Variants in EIF2AK1 observed in about 807,000 individuals in gnomAD.
The protein encoded by EIF2AK1 is eukaryotic translation initiation factor 2 alpha kinase 1.
EIF2AK1 carries 54 observed loss-of-function variants against 77.9 expected under a neutral mutation model. The observed-to-expected ratio is 0.69, with a 90% CI of 0.56 to 0.87. The LOEUF (loss-of-function observed/expected upper bound fraction) is 0.87, where lower values mean the gene tolerates loss of function less well. EIF2AK1 is among the 40% of genes least tolerant of loss of function. EIF2AK1 has a pLI of 0.00. For missense variants in EIF2AK1, 810 were observed against 768.6 expected (o/e 1.05, Z -0.64); for synonymous variants, 314 against 290.5 (o/e 1.08, Z -0.82).
Position 6,032,512 on chromosome 7 carries a change from G to C in EIF2AK1, c.1333-3480C>G, listed in dbSNP as rs1027198216. Among the ~76,000 whole-genome samples, 19 of 152,344 alleles carry C rather than the reference G, an allele frequency of 1.2e-4. No individual in the cohort carries two copies. The highest frequency in any genetic ancestry group is 4.6e-4 in the African/African-American group (19 of 41,574). Reference sequence around the variant, plus strand: ...CCCTGTGGGTTAATTTAAGGAATAAGTGACTTCATAGCAAGTACCCTTAAT... The same window carrying C: ...CCCTGTGGGTTAATTTAAGGAATAACTGACTTCATAGCAAGTACCCTTAAT... On this transcript the variant is annotated intron_variant, in intron 11 of 14. Coordinates refer to ENST00000199389, the MANE Select transcript of EIF2AK1 (RefSeq NM_014413.4). The surrounding 1 kb of genome is among the most constrained non-coding windows in gnomAD (Gnocchi z 4.3).
chr7:6,048,681 G>A (rs1788512874), intron 4 of EIF2AK1, 126 bp downstream of exon 4: 1 of 768,026 alleles, frequency 1.3e-6, no homozygotes, highest in East Asian at 3.0e-5. Context: ...CTTAATTGCT[G>A]AGAACAAAGT....
At chr7:6,044,305 A>T (rs1403970029) in intron 7 of EIF2AK1, among the ~76,000 whole-genome samples, 2 of 150,708 alleles carry the variant, frequency 1.3e-5, no homozygotes, top group East Asian at 4.0e-4. Context: ...TCTACTAAAA[A>T]ATACCAAAAA....
chr7:6,056,616 A>ATATATATATATATATATG (rs1788778588), intron 1 of EIF2AK1, among the ~76,000 whole-genome samples: 1 of 96,000 alleles, frequency 1.0e-5, no homozygotes, highest in Admixed American at 1.0e-4. Flanking sequence ...AAAAAAAAAT[A>ATATATATATATATATATG]TATATATATA....
In EIF2AK1 at chr7:6,024,366, A is replaced by G. The variant is rs1332805635; in HGVS notation, c.*307T>C. The G allele has an allele frequency of 7.8e-5, 90 of 1,157,754 alleles. 1 individual carries two copies. Among genetic ancestry groups the G allele is most frequent in the Middle Eastern group, 7.2e-4 (2 of 2,788 alleles). The allele number at this position is 1,157,754 out of a possible 1,614,324, so 71.7% of individuals were successfully genotyped here. A position where few individuals can be genotyped will look rare whatever the true frequency, so the allele number is the denominator to read the frequency against. On this transcript the variant is annotated 3_prime_UTR_variant, in exon 15 of 15. Coordinates refer to ENST00000199389, the MANE Select transcript of EIF2AK1 (RefSeq NM_014413.4). ...TGACGAGGGCAGGGAGCACACATCA[A>G]TTTCTGCGGTACCTTCTAGAGGAAG... is the stretch of plus-strand genomic sequence containing the variant.
chr7:6,053,664 A>AT (rs1318474034), intron 2 of EIF2AK1, among the ~76,000 whole-genome samples: 19 of 86,414 alleles, frequency 2.2e-4, no homozygotes, highest in African/African-American at 8.5e-4. Context: ...CGCCCAGCCC[A>AT]TTCTTTTTTT....
rs758929683 is a variant in EIF2AK1 at position 6,054,537 on chromosome 7, C to G, written c.277+9G>C. On this transcript the variant is annotated intron_variant, in intron 2 of 14. Coordinates refer to ENST00000199389, the MANE Select transcript of EIF2AK1 (RefSeq NM_014413.4). ...CTTTATTTAGCAAGATTCATTTATTCTTACTTACGCTTAAACACCTGTCTT... is the reference window on the plus strand; with the variant it reads ...CTTTATTTAGCAAGATTCATTTATTGTTACTTACGCTTAAACACCTGTCTT... 7 of 1,613,572 alleles carry G rather than the reference C, an allele frequency of 4.3e-6. No homozygotes were observed. The East Asian group carries it at 1.6e-4, about 36-fold the overall frequency.
intron 1 of EIF2AK1, among the ~76,000 whole-genome samples, chr7:6,056,613 A>AAAT: frequency 4.1e-4 from 18 of 43,736 alleles, no homozygotes; most frequent in Non-Finnish European, 6.6e-4. Context: ...AAAAAAAAAA[A>AAAT]ATATATATAT....
intron 11 of EIF2AK1, among the ~76,000 whole-genome samples, chr7:6,034,464 G>A (rs962360281): frequency 1.8e-4 from 28 of 151,878 alleles, no homozygotes; most frequent in Admixed American, 1.6e-3. Flanking sequence ...TCACAGACTC[G>A]CCCCATTCTC....
Position 6,033,122 on chromosome 7 carries a change from C to G in EIF2AK1, c.1333-4090G>C, listed in dbSNP as rs185999488. 1.2e-3 allele frequency among the ~76,000 whole-genome samples: 181 copies of G among 152,246 alleles called. No individual in the cohort carries two copies. The highest frequency in any genetic ancestry group is 3.9e-3 in the African/African-American group (164 of 41,546). On this transcript the variant is annotated intron_variant, in intron 11 of 14. Transcript: ENST00000199389. The surrounding 1 kb of genome is among the most constrained non-coding windows in gnomAD (Gnocchi z 4.4). The stretch of plus-strand genomic sequence containing the variant: ...TAGCTGGGATTACAGGTGTGCGTCA[C>G]CATGCCCAGCTAACATTTGTATTTT...
In EIF2AK1 at chr7:6,024,291, G is replaced by A. The variant is rs1180443969; in HGVS notation, c.*382C>T. 2.5e-6 allele frequency: 3 copies of A among 1,212,944 alleles called. No homozygotes were observed. The highest frequency in any genetic ancestry group is 3.1e-6 in the Non-Finnish European group (3 of 958,510). 75.1% of individuals were successfully genotyped at this position (1,212,944 alleles called of 1,614,324 possible). A position where few individuals can be genotyped will look rare whatever the true frequency, so the allele number is the denominator to read the frequency against. On this transcript the variant is annotated 3_prime_UTR_variant, in exon 15 of 15. Coordinates refer to ENST00000199389, the MANE Select transcript of EIF2AK1 (RefSeq NM_014413.4). ...GAAAGGGGCAGGAAGACTGGCAGCTGTCAAAACTGGAACAGTCCAGTGAGT... is the reference window on the plus strand; with the variant it reads ...GAAAGGGGCAGGAAGACTGGCAGCTATCAAAACTGGAACAGTCCAGTGAGT...
At position 6,044,649 on chromosome 7, in the gene EIF2AK1, C is replaced by T; in HGVS notation, c.643G>A (p.Val215Met). The T allele has an allele frequency of 6.2e-7, 1 of 1,613,916 alleles. No individual in the cohort carries two copies. Among genetic ancestry groups the T allele is most frequent in the Non-Finnish European group, 8.5e-7 (1 of 1,179,872 alleles). ...TGCTGAAGACCTGCCAGCACCTTCA[C>T]TTCCCGTAGGACCTAGAAAAGAAAT... is the stretch of plus-strand genomic sequence containing the variant. ...KTVCMKVLRE[V>M]KVLAGLQHPN... Residue 215 changes from valine to methionine, a missense_variant, in exon 7 of 15, where the codon GTG becomes ATG. Transcript: ENST00000199389.
intron 3 of EIF2AK1, among the ~76,000 whole-genome samples, chr7:6,049,267 G>A (rs118073675): frequency 0.065 from 9,845 of 152,270 alleles, 618 homozygotes; most frequent in East Asian, 0.35. Flanking sequence ...AAATTAGGTA[G>A]GGCGCGGTGG....
intron 1 of EIF2AK1, among the ~76,000 whole-genome samples, chr7:6,055,751 C>T (rs852150): frequency 0.13 from 19,934 of 150,322 alleles, 1,699 homozygotes; most frequent in East Asian, 0.32. Context: ...GAGGCCGAGG[C>T]AGGCAGATCA....
In EIF2AK1 at chr7:6,034,152, CAA is replaced by C. The variant is rs1346722018; in HGVS notation, c.1332+3270_1332+3271del. Among the ~76,000 whole-genome samples, 8 of 151,668 alleles carry C rather than the reference CAA, an allele frequency of 5.3e-5. 1 individual carries two copies. In the East Asian group the frequency reaches 1.6e-3, roughly 30 times the overall value. On this transcript the variant is annotated intron_variant, in intron 11 of 14. Coordinates refer to ENST00000199389, the MANE Select transcript of EIF2AK1 (RefSeq NM_014413.4). ...TGAAACCTCATCTCTACTAAAAATA[CAA>C]AAACTAGCCAGGCGTGGTGGCGGGC...
At chr7:6,041,286 C>G in intron 8 of EIF2AK1, 67 bp from the exon 9 acceptor site, 1 of 1,491,046 alleles carries the variant, frequency 6.7e-7, no homozygotes, top group Non-Finnish European at 9.0e-7. Context: ...TGCCTGTAAT[C>G]CCAGCACTTT....
intron 2 of EIF2AK1, among the ~76,000 whole-genome samples, chr7:6,053,825 G>C (rs936641543): frequency 2.3e-5 from 3 of 130,000 alleles, no homozygotes; most frequent in Non-Finnish European, 4.9e-5. Flanking sequence ...GTGCCATTAC[G>C]CCTGGGTAGT....
At chr7:6,058,829 G>T in intron 1 of EIF2AK1, 137 bp downstream of exon 1, 2 of 690,688 alleles carry the variant, frequency 2.9e-6, no homozygotes, top group South Asian at 2.3e-5. Flanking sequence ...CGCACTGCGC[G>T]GCTGGGCCGC....
At chr7:6,055,982 CAAAAAAA>C in intron 1 of EIF2AK1, among the ~76,000 whole-genome samples, 2 of 23,988 alleles carry the variant, frequency 8.3e-5, no homozygotes, top group South Asian at 2.6e-3. Flanking sequence ...AACTCTGTCT[CAAAAAAA>C]AAAAAAAAAA....
rs747789558 is a variant in EIF2AK1, at chr7:6,035,635, G to A, written c.1332+1789C>T. The A allele has an allele frequency of 1.8e-5, 28 of 1,550,454 alleles. No homozygotes were observed. The East Asian group carries it at 3.9e-4, about 22-fold the overall frequency. ...ACTCAAGGGGAAATCAGCAACAAAC[G>A]TTCACCACTCCACCTGGCCATAGCA... On this transcript the variant is annotated intron_variant, in intron 11 of 14. Coordinates refer to ENST00000199389, the MANE Select transcript of EIF2AK1 (RefSeq NM_014413.4). This position sits in a 1 kb window ranked among gnomAD's most constrained non-coding sequence, Gnocchi z 5.5.
Sources: gnomAD v4.1 joint callset for allele counts (sites outside exome capture counted in the v4.1 genomes callset) on GRCh38, gnomAD v4.1.1 for gene constraint, Gnocchi (gnomAD v3.1) non-coding constraint, MANE v1.5 for transcripts, NCBI Gene and HGNC (gene_info 2026-07-23, HGNC 2026-07-21) for gene names.